BMPR1B: variants seen among roughly 807,000 people sequenced by gnomAD.
The protein encoded by BMPR1B is bone morphogenetic protein receptor type-1B.
In BMPR1B, 12 loss-of-function variants were observed where a neutral mutation model predicts 59.1. The observed-to-expected ratio is 0.20, with a 90% confidence interval of 0.13 to 0.33. BMPR1B has a LOEUF of 0.33. BMPR1B is among the 10% of genes least tolerant of loss of function. The pLI is 1.00. For missense variants in BMPR1B, 550 were observed against 610.9 expected, an observed-to-expected ratio of 0.90 and a Z score of 1.05; for synonymous variants, 237 against 207.3, an observed-to-expected ratio of 1.14 and a Z score of -1.23.
intron 2 of BMPR1B, among the ~76,000 whole-genome samples, chr4:94,982,428 A>T (rs961439163): frequency 1.3e-5 from 2 of 152,158 alleles, no homozygotes; most frequent in African/African-American, 4.8e-5. Context: ...CTAAAATTTA[A>T]ATTTCTTACT....
At position 94,913,592 on chromosome 4, in the gene BMPR1B, G is replaced by C. The variant is rs116074099; in HGVS notation, c.-113+37692G>C. 3.1e-3 allele frequency among the ~76,000 whole-genome samples: 467 copies of C among 152,182 alleles called. 3 individuals are homozygous for C. Among genetic ancestry groups the C allele is most frequent in the Middle Eastern group, 6.8e-3 (2 of 294 alleles). On this transcript the variant is annotated intron_variant, in intron 2 of 12. Transcript: ENST00000515059. ...CAAGCACTGTGTGGAGTCTCAGAAG[G>C]TGATTTCTGGTCATTGTTCCATTGT... is the stretch of plus-strand genomic sequence containing the variant.
intron 1 of BMPR1B, among the ~76,000 whole-genome samples, chr4:94,860,415 TTGA>T (rs1725932501): frequency 6.6e-6 from 1 of 152,200 alleles, no homozygotes; most frequent in Non-Finnish European, 1.5e-5. Context: ...AAGACATTTC[TTGA>T]TGATAAGGAT....
chr4:95,092,749 C>G (rs999010698), intron 3 of BMPR1B, among the ~76,000 whole-genome samples: 1 of 151,056 alleles, frequency 6.6e-6, no homozygotes, highest in African/African-American at 2.4e-5. Flanking sequence ...AGCACAAACA[C>G]GGTGATTTGG....
intron 3 of BMPR1B, among the ~76,000 whole-genome samples, chr4:95,073,514 C>T (rs57568169): frequency 6.6e-6 from 1 of 152,204 alleles, no homozygotes; most frequent in African/African-American, 2.4e-5. Flanking sequence ...AACCATTTTA[C>T]TGTTCAGTGG....
At chr4:94,986,429 A>G (rs1721410788) in intron 2 of BMPR1B, among the ~76,000 whole-genome samples, 2 of 152,210 alleles carry the variant, frequency 1.3e-5, no homozygotes, top group Non-Finnish European at 2.9e-5. Context: ...TCAAAAACCA[A>G]AAGAATTGCT....
chr4:95,124,891 A>G, intron 7 of BMPR1B, 92 bp from the exon 8 acceptor site: 1 of 1,256,902 alleles, frequency 8.0e-7, no homozygotes, highest in Non-Finnish European at 1.1e-6. Context: ...AGGTGCTAAA[A>G]TAAAACTGCT....
chr4:94,846,448 T>A (rs577285101), intron 1 of BMPR1B, among the ~76,000 whole-genome samples: 2 of 152,218 alleles, frequency 1.3e-5, no homozygotes, highest in South Asian at 4.1e-4. Context: ...TTAATCTGGG[T>A]GGGCACAATC....
intron 3 of BMPR1B, among the ~76,000 whole-genome samples, chr4:95,000,620 T>A (rs1269178166): frequency 6.6e-6 from 1 of 152,072 alleles, no homozygotes; most frequent in Non-Finnish European, 1.5e-5. Context: ...TCAAATAATA[T>A]AAATATTATA....
At chr4:94,985,687 A>G (rs548889056) in intron 2 of BMPR1B, among the ~76,000 whole-genome samples, 153 of 152,248 alleles carry the variant, frequency 1.0e-3, no homozygotes, top group African/African-American at 3.5e-3. Context: ...ACTGAAAGAT[A>G]TAGTAGTAAG....
At position 95,154,933 on chromosome 4, in the gene BMPR1B, T is replaced by C; in HGVS notation, c.*260T>C. On this transcript the variant is annotated 3_prime_UTR_variant, in exon 13 of 13. Coordinates refer to ENST00000515059, the MANE Select transcript of BMPR1B (RefSeq NM_001203.3). ...GTTCAAGATATGATGCATGTTGCTT[T>C]CTAAGAAAGCCCTGTATTTTGTGAT... is the stretch of plus-strand genomic sequence containing the variant. The C allele has an allele frequency of 2.2e-6, 1 of 458,380 alleles. No individual in the cohort carries two copies. The highest frequency in any genetic ancestry group is 2.6e-5 in the South Asian group (1 of 39,062). 28.4% of individuals were successfully genotyped at this position (458,380 alleles called of 1,614,324 possible).
intron 1 of BMPR1B, among the ~76,000 whole-genome samples, chr4:94,853,426 T>C (rs759721370): frequency 6.6e-6 from 1 of 152,200 alleles, no homozygotes; most frequent in Non-Finnish European, 1.5e-5. Flanking sequence ...TTAAAATTTT[T>C]GATCAAAGAT....
At chr4:94,917,562 G>T (rs1273537437) in intron 2 of BMPR1B, among the ~76,000 whole-genome samples, 1 of 152,148 alleles carries the variant, frequency 6.6e-6, no homozygotes, top group Non-Finnish European at 1.5e-5. Context: ...CTTTCTTTTG[G>T]CCAGTCTCTC....
intron 1 of BMPR1B, among the ~76,000 whole-genome samples, chr4:94,852,248 G>A (rs575223805): frequency 6.6e-6 from 1 of 152,210 alleles, no homozygotes; most frequent in South Asian, 2.1e-4. Flanking sequence ...ATGTGTACAG[G>A]CCATATCCAT....
chr4:95,116,437 A>G (rs1176205148), intron 6 of BMPR1B, among the ~76,000 whole-genome samples: 118 of 150,692 alleles, frequency 7.8e-4, no homozygotes, highest in African/African-American at 2.3e-3. Flanking sequence ...ACACACACAC[A>G]CACACACACA....
chr4:95,010,433 A>G (rs578001592), intron 3 of BMPR1B, among the ~76,000 whole-genome samples: 1 of 152,194 alleles, frequency 6.6e-6, no homozygotes, highest in Admixed American at 6.5e-5. Flanking sequence ...ATATCTCTCT[A>G]ACAGCTTCAT....
At chr4:95,033,646 G>A (rs1416313285) in intron 3 of BMPR1B, among the ~76,000 whole-genome samples, 1 of 152,144 alleles carries the variant, frequency 6.6e-6, no homozygotes, top group Non-Finnish European at 1.5e-5. Context: ...CTAAGTTAAG[G>A]CAGAATCTTG....
chr4:94,877,322 G>T (rs889160872), intron 2 of BMPR1B, among the ~76,000 whole-genome samples: 9 of 152,184 alleles, frequency 5.9e-5, no homozygotes, highest in Admixed American at 6.5e-5. Context: ...TTTGGAAAAG[G>T]TTTTGCTCAT....
chr4:95,134,651 C>T (rs1454969611), intron 10 of BMPR1B, among the ~76,000 whole-genome samples: 1 of 152,144 alleles, frequency 6.6e-6, no homozygotes, highest in Non-Finnish European at 1.5e-5. Context: ...TGTCTTTTGG[C>T]TGCATAAATG....
chr4:95,017,756 A>C (rs1438791088), intron 3 of BMPR1B, among the ~76,000 whole-genome samples: 2 of 152,148 alleles, frequency 1.3e-5, no homozygotes, highest in African/African-American at 4.8e-5. Context: ...CCACTGGGAA[A>C]TTTGGGTCTT....
Sources: allele counts gnomAD v4.1 joint callset (sites outside exome capture counted in the v4.1 genomes callset), GRCh38; gene constraint gnomAD v4.1.1; transcripts MANE v1.5; gene names NCBI Gene and HGNC (gene_info 2026-07-23, HGNC 2026-07-21).